NISCH: variants seen among roughly 807,000 people sequenced by gnomAD.
NISCH encodes nischarin.
A neutral mutation model predicts 138.4 loss-of-function variants in NISCH; 55 were observed. That is an observed-to-expected ratio of 0.40 (90% CI 0.32 to 0.50). The LOEUF (loss-of-function observed/expected upper bound fraction) is 0.50, where lower values mean the gene tolerates loss of function less well. NISCH is among the 20% of genes least tolerant of loss of function. The pLI is 0.71. For missense variants in NISCH, 1,643 were observed against 2,005.5 expected (o/e 0.82, Z 3.45); for synonymous variants, 860 against 861.5 (o/e 1.00, Z 0.03).
At chr3:52,456,669 A>G (rs111716422) in intron 1 of NISCH, among the ~76,000 whole-genome samples, 7 of 152,312 alleles carry the variant, frequency 4.6e-5, no homozygotes, top group Middle Eastern at 3.4e-3. Context: ...TCTGAGGGCC[A>G]TTCTTCTGGC....
Position 52,492,204 on chromosome 3 carries a change from G to T in NISCH, c.4237G>T (p.Val1413Phe). 6.2e-7 allele frequency: 1 copy of T among 1,613,100 alleles called. No individual in the cohort carries two copies. The highest frequency in any genetic ancestry group is 8.5e-7 in the Non-Finnish European group (1 of 1,180,044). Reference sequence around the variant, plus strand: ...GTACCGGCTGGACGATGGCCGCCGCGTCCGGGACCTGGACCGAGTGCTCAT... The same window carrying T: ...GTACCGGCTGGACGATGGCCGCCGCTTCCGGGACCTGGACCGAGTGCTCAT... ...DRYRLDDGRR[V>F]RDLDRVLMGY... The change falls in exon 21 of 21, where the codon GTC becomes TTC. Residue 1413 changes from valine to phenylalanine, a missense_variant. Val to Phe is a conservative substitution (Grantham distance 50). Transcript: ENST00000345716.
At chr3:52,481,252 G>C (rs1380221648) in intron 13 of NISCH, 1 of 1,081,448 alleles carries the variant, frequency 9.2e-7, no homozygotes, top group African/African-American at 1.7e-5. Context: ...AGAATGCTCA[G>C]CAGCCCTCCC....
intron 17 of NISCH, 138 bp downstream of exon 17, chr3:52,489,816 AC>A (rs1707513907): frequency 7.0e-7 from 1 of 1,424,104 alleles, no homozygotes. Context: ...AGCTTTGAGG[AC>A]CTGGGCAGTG....
intron 12 of NISCH, 24 bp from the exon 13 acceptor site, chr3:52,480,160 G>A (rs1027608508): frequency 1.7e-5 from 28 of 1,613,056 alleles, no homozygotes; most frequent in African/African-American, 6.7e-5. Flanking sequence ...TCTCTCCCGG[G>A]CTGACTCAAG....
chr3:52,471,353 G>T, intron 4 of NISCH: 1 of 279,406 alleles, frequency 3.6e-6, no homozygotes, highest in South Asian at 5.2e-5. Context: ...AGGGCACATG[G>T]CTGGGAGGAG....
At chr3:52,471,481 C>T in intron 4 of NISCH, 2 of 418,048 alleles carry the variant, frequency 4.8e-6, no homozygotes, top group East Asian at 4.9e-5. Flanking sequence ...TCGGAGGTTG[C>T]AGCATAGGTG....
chr3:52,458,714 T>C lies in NISCH; in HGVS notation c.230T>C (p.Ile77Thr). ...AATCTGCTTCCGCCCAAAAAGATAA[T>C]TGGGAAAAACTCAAGAAGCTTGGTG... ...DKNLLPPKKI[I>T]GKNSRSLVEK... The change falls in exon 3 of 21, where the codon ATT (isoleucine) becomes ACT (threonine). Residue 77 changes from isoleucine (I) to threonine (T), a missense_variant. By Grantham distance (89) the Ile-to-Thr change is moderately conservative (BLOSUM62 -1). Coordinates refer to ENST00000345716, the MANE Select transcript of NISCH (RefSeq NM_007184.4). The C allele has an allele frequency of 6.2e-7, 1 of 1,613,834 alleles. No individual in the cohort carries two copies. Among genetic ancestry groups the C allele is most frequent in the Non-Finnish European group, 8.5e-7 (1 of 1,179,956 alleles).
Position 52,481,479 on chromosome 3 carries a change from A to T in NISCH, c.1528+1184A>T, listed in dbSNP as rs1167346854. 4 of 985,474 alleles carry T rather than the reference A, an allele frequency of 4.1e-6. No individual in the cohort carries two copies. The African/African-American group carries it at 7.0e-5, about 17-fold the overall frequency. 61.0% of individuals were successfully genotyped at this position (985,474 alleles called of 1,614,324 possible). On this transcript the variant is annotated intron_variant, in intron 13 of 20. Transcript: ENST00000345716. ...GGTTGCATTTTATTACATAAAAGCC[A>T]GGGAGGTTATATCACGGTGAGAAAG... is the stretch of plus-strand genomic sequence containing the variant.
rs145259574 is a variant in NISCH at position 52,470,492 on chromosome 3, C to T, written c.361-367C>T. 3.7e-3 allele frequency: 873 copies of T among 237,300 alleles called. 5 individuals carry two copies. Among genetic ancestry groups the T allele is most frequent in the South Asian group, 0.019 (139 of 7,366 alleles). The allele number at this position is 237,300 out of a possible 1,614,324, so 14.7% of individuals were successfully genotyped here. On this transcript the variant is annotated intron_variant, in intron 3 of 20. Coordinates refer to ENST00000345716, the MANE Select transcript of NISCH (RefSeq NM_007184.4). The stretch of plus-strand genomic sequence containing the variant: ...AGAAAAAACAGGACTTTTCTCTCTG[C>T]CACACCCTCTCCTAGGAACACCCAG...
chr3:52,488,326 G>A lies in NISCH; in HGVS notation c.2834G>A (p.Arg945His), dbSNP rs1707464519. The A allele has an allele frequency of 3.1e-6, 5 of 1,612,468 alleles. No individual in the cohort carries two copies. The highest frequency in any genetic ancestry group is 1.3e-5 in the African/African-American group (1 of 74,934). ...AACCGCAACAGCTTCAAGCTCAGCCGTGTGCCGCTCTCCACCGTGCTGCTG... is the reference window on the plus strand; with the variant it reads ...AACCGCAACAGCTTCAAGCTCAGCCATGTGCCGCTCTCCACCGTGCTGCTG... ...CRNRNSFKLS[R>H]VPLSTVLLDP... Residue 945 changes from arginine to histidine, a missense_variant, in exon 16 of 21, where the codon CGT becomes CAT. By Grantham distance (29) the Arg-to-His change is conservative. Transcript: ENST00000345716.
chr3:52,464,612 C>T (rs985954421), intron 3 of NISCH, among the ~76,000 whole-genome samples: 4 of 150,042 alleles, frequency 2.7e-5, no homozygotes, highest in African/African-American at 9.8e-5. Context: ...GCAACCTCCA[C>T]CCCTGGGGTT....
rs763501824 is a variant in NISCH at position 52,472,350 on chromosome 3, G to A, written c.621G>A (p.Gln207=). The part of the protein sequence containing the change: ...GPFGTSNIQE[Q]LLPFDLSIFK... ...TTGGGACCAGCAACATTCAGGAGCA[G>A]CTCCTGCCGTTCGACCTATCAATAT... The change falls in exon 6 of 21, where the codon CAG becomes CAA. Residue 207 remains glutamine, a synonymous_variant. Transcript: ENST00000345716. The A allele has an allele frequency of 8.7e-6, 14 of 1,614,048 alleles. No homozygotes were observed. The highest frequency in any genetic ancestry group is 1.2e-5 in the Non-Finnish European group (14 of 1,180,044).
intron 7 of NISCH, 154 bp from the exon 8 acceptor site, chr3:52,476,293 A>AAAGAC (rs1707095698): frequency 1.3e-6 from 1 of 763,222 alleles, no homozygotes; most frequent in East Asian, 2.7e-5. Context: ...ACAATCGTTT[A>AAAGAC]AAGACATAGG....
At position 52,478,141 on chromosome 3, in the gene NISCH, C is replaced by G. The variant is rs374743785; in HGVS notation, c.1032C>G (p.Leu344=). 8.2e-5 allele frequency: 132 copies of G among 1,614,036 alleles called. No homozygotes were observed. The highest frequency in any genetic ancestry group is 1.1e-4 in the Non-Finnish European group (129 of 1,180,020). ...LVHLDLSYNK[L]SSLEGLHTKL... is the part of the protein sequence containing the mutation. ...ATCTGGACCTGTCCTACAACAAGCT[C>G]TCCTCCTTGGAAGGGCTTCACACCA... The change falls in exon 10 of 21, where the codon CTC becomes CTG. Residue 344 remains leucine (L), a synonymous_variant. Transcript: ENST00000345716.
chr3:52,457,717 T>G lies in NISCH; in HGVS notation c.94-126T>G, dbSNP rs1706513573. ...CCTGACTTTGGCCTTGGGGTGGGTCTGAGTTGCAGAGAGAAAGACTGATAA... is the reference window on the plus strand; with the variant it reads ...CCTGACTTTGGCCTTGGGGTGGGTCGGAGTTGCAGAGAGAAAGACTGATAA... On this transcript the variant is annotated intron_variant, in intron 1 of 20. Transcript: ENST00000345716. 3 of 780,160 alleles carry G rather than the reference T, an allele frequency of 3.8e-6. No individual in the cohort carries two copies. In the African/African-American group the frequency reaches 5.1e-5, roughly 13 times the overall value. 48.3% of individuals were successfully genotyped at this position (780,160 alleles called of 1,614,324 possible). A position where few individuals can be genotyped will look rare whatever the true frequency, so the allele number is the denominator to read the frequency against.
In NISCH at chr3:52,484,505, C is replaced by G; in HGVS notation, c.1529-8C>G. ...TGCCTGCCTGCCCACCCGCCCTGGT[C>G]TCTCCAGGAATCATGTTCGTTCAGG... is the stretch of plus-strand genomic sequence containing the variant. On this transcript the variant is annotated splice_polypyrimidine_tract_variant and splice_region_variant and intron_variant, in intron 13 of 20. Coordinates refer to ENST00000345716, the MANE Select transcript of NISCH (RefSeq NM_007184.4). The G allele has an allele frequency of 6.4e-7, 1 of 1,562,424 alleles. No individual in the cohort carries two copies. Among genetic ancestry groups the G allele is most frequent in the Non-Finnish European group, 8.7e-7 (1 of 1,151,312 alleles).
At chr3:52,484,484 T>A in intron 13 of NISCH, 29 bp from the exon 14 acceptor site, 3 of 131,514 alleles carry the variant, frequency 2.3e-5, no homozygotes, top group Non-Finnish European at 4.0e-5. Flanking sequence ...CCACCCTGCC[T>A]GCCTGCCCAC....
In NISCH at chr3:52,484,538, C is replaced by G. The variant is rs781005242; in HGVS notation, c.1554C>G (p.Ala518=). The change falls in exon 14 of 21, where the codon GCC becomes GCG. Residue 518 remains alanine (A), a synonymous_variant. Coordinates refer to ENST00000345716, the MANE Select transcript of NISCH (RefSeq NM_007184.4). The stretch of plus-strand genomic sequence containing the variant: ...GAATCATGTTCGTTCAGGAGGAGGC[C>G]CTGGCCAGCAGCCTCTCGTCCACTG... ...NQGIMFVQEE[A]LASSLSSTDS... is the part of the protein sequence containing the mutation. 105 of 1,484,550 alleles carry G rather than the reference C, an allele frequency of 7.1e-5. No homozygotes were observed. Among genetic ancestry groups the G allele is most frequent in the Non-Finnish European group, 9.2e-5 (101 of 1,101,518 alleles). The allele number at this position is 1,484,550 out of a possible 1,614,324, so 92.0% of individuals were successfully genotyped here. A position where few individuals can be genotyped will look rare whatever the true frequency, so the allele number is the denominator to read the frequency against.
Position 52,491,451 on chromosome 3 carries a change from G to A in NISCH, c.3842G>A (p.Arg1281His), listed in dbSNP as rs758830271. 7.4e-6 allele frequency: 12 copies of A among 1,613,416 alleles called. No individual in the cohort carries two copies. Among genetic ancestry groups the A allele is most frequent in the Admixed American group, 1.7e-5 (1 of 60,004 alleles). The change falls in exon 20 of 21, where the codon CGC becomes CAC. Residue 1281 changes from arginine (R) to histidine (H), a missense_variant. Transcript: ENST00000345716. ...ATGGTCGTGCTGTCCTCTCTGGAAC[G>A]CACGCCCTCGCCGGAGCCTGTTGAC... ...HLMVVLSSLERTPSPEPVDKD... is the reference protein window; with the variant it reads ...HLMVVLSSLEHTPSPEPVDKD...
Sources: allele counts gnomAD v4.1 joint callset (sites outside exome capture counted in the v4.1 genomes callset), GRCh38; gene constraint gnomAD v4.1.1; transcripts MANE v1.5; gene names NCBI Gene and HGNC (gene_info 2026-07-23, HGNC 2026-07-21).